Variants in DENND6B observed in about 807,000 individuals in gnomAD.
The protein encoded by DENND6B is DENN domain containing 6B, also known as protein DENND6B.
Under a neutral mutation model 85.1 loss-of-function variants are expected in DENND6B, and 73 were observed. The ratio of observed to expected loss-of-function variants is 0.86; its 90% confidence interval spans 0.71 to 1.04. The LOEUF (loss-of-function observed/expected upper bound fraction) is 1.04. Ranked by LOEUF, DENND6B falls within the 50% of genes least tolerant of loss-of-function variation. The pLI is 0.00. For synonymous variants in DENND6B, 357 were observed against 329.3 expected (o/e 1.08, Z -0.91); for missense variants, 715 against 785.8 (o/e 0.91, Z 1.08).
At chr22:50,313,233 T>C (rs927454415) in intron 16 of DENND6B, 125 bp from the exon 17 acceptor site, 50 of 1,161,590 alleles carry the variant, frequency 4.3e-5, no homozygotes, top group Non-Finnish European at 5.6e-5. Context: ...CTGGCACAGA[T>C]CCCAGGACAG....
In DENND6B at chr22:50,312,127, C is replaced by G; in HGVS notation, c.*12G>C. 1 of 1,611,716 alleles carries G rather than the reference C, an allele frequency of 6.2e-7. No individual in the cohort carries two copies. Among genetic ancestry groups the G allele is most frequent in the Non-Finnish European group, 8.5e-7 (1 of 1,179,464 alleles). ...GACCTAGGGCCCTGGGACCGTGGCC[C>G]TTGGCTTTGTTCTAGGGAGGGCACA... On this transcript the variant is annotated 3_prime_UTR_variant, in exon 20 of 20. Coordinates refer to ENST00000413817, the MANE Select transcript of DENND6B (RefSeq NM_001001794.4).
In DENND6B at chr22:50,312,359, T is replaced by C. The variant is rs200756083; in HGVS notation, c.1619A>G (p.Lys540Arg). 7 of 1,611,790 alleles carry C rather than the reference T, an allele frequency of 4.3e-6. No homozygotes were observed. The East Asian group carries it at 1.6e-4, about 36-fold the overall frequency. ...GCATCTTACCAGCTTCTCACGAAGT[T>C]TCAGGACCAGGTCCACGACCTCCAC... is the stretch of plus-strand genomic sequence containing the variant. The part of the protein sequence containing the change: ...SEVEVVDLVL[K>R]LREKLVRAQG... The change falls in exon 19 of 20, where the codon AAA (lysine) becomes AGA (arginine). Residue 540 changes from lysine to arginine, a missense_variant. Lys to Arg is a conservative substitution (Grantham distance 26). Coordinates refer to ENST00000413817, the MANE Select transcript of DENND6B (RefSeq NM_001001794.4).
rs561667726 is a variant in DENND6B at position 50,318,754 on chromosome 22, GGGCAGCCGA to G, written c.259+84_259+92del. 160 of 1,546,074 alleles carry G rather than the reference GGGCAGCCGA, an allele frequency of 1.0e-4. 3 individuals are homozygous for G. The South Asian group carries it at 1.3e-3, about 12-fold the overall frequency. The stretch of plus-strand genomic sequence containing the variant: ...CACCCCTGTGGCACTCTGGGCACCG[GGGCAGCCGA>G]GGCAGCCATGATGCCCCTGGCCCAG... On this transcript the variant is annotated intron_variant, in intron 3 of 19. Transcript: ENST00000413817.
exon 1 of DENND6B, chr22:50,326,992 GGCGGCCGCGGGTTGCCGGGGAAAC>G: frequency 8.4e-7 from 1 of 1,188,630 alleles, no homozygotes; most frequent in Non-Finnish European, 1.0e-6. Context: ...CGTCCATGGC[GGCGGCCGCGGGTTGCCGGGGAAAC>G]GCGGGCGGGG....
chr22:50,320,945 C>T lies in DENND6B; in HGVS notation c.178-1942G>A, dbSNP rs562009027. 8.5e-5 allele frequency among the ~76,000 whole-genome samples: 13 copies of T among 152,300 alleles called. No homozygotes were observed. In the East Asian group the frequency reaches 2.3e-3, roughly 27 times the overall value. On this transcript the variant is annotated intron_variant, in intron 1 of 19. Coordinates refer to ENST00000413817, the MANE Select transcript of DENND6B (RefSeq NM_001001794.4). Reference sequence around the variant, plus strand: ...CCCAGGTACAGCCTGAAGTTGAGTACAAAGCCAGGGGTCAGGCCACCCAGG... The same window carrying T: ...CCCAGGTACAGCCTGAAGTTGAGTATAAAGCCAGGGGTCAGGCCACCCAGG...
chr22:50,315,807 G>A, intron 8 of DENND6B, 38 bp from the exon 9 acceptor site: 1 of 1,492,598 alleles, frequency 6.7e-7, no homozygotes, highest in East Asian at 2.4e-5. Context: ...CCAAGGGGAG[G>A]CTGGCACCCC....
intron 9 of DENND6B, 133 bp from the exon 10 acceptor site, chr22:50,315,054 G>A (rs1465392971): frequency 2.4e-6 from 3 of 1,267,408 alleles, no homozygotes; most frequent in Non-Finnish European, 3.3e-6. Flanking sequence ...GGTGAAGACA[G>A]ATCTATCTGA....
intron 1 of DENND6B, among the ~76,000 whole-genome samples, chr22:50,324,142 C>T (rs1045666328): frequency 6.6e-6 from 1 of 152,084 alleles, no homozygotes; most frequent in African/African-American, 2.4e-5. Flanking sequence ...AAGCCAGATC[C>T]CTTGTCACCC....
chr22:50,326,805 C>G lies in DENND6B; in HGVS notation c.177+7G>C, dbSNP rs905159862. 67 of 1,393,768 alleles carry G rather than the reference C, an allele frequency of 4.8e-5. No individual in the cohort carries two copies. In the Middle Eastern group the frequency reaches 7.8e-4, roughly 16 times the overall value. 86.3% of individuals were successfully genotyped at this position (1,393,768 alleles called of 1,614,324 possible). A position where few individuals can be genotyped will look rare whatever the true frequency, so the allele number is the denominator to read the frequency against. ...ACCCGCCCGCGCCCGCGCTCGCGCC[C>G]GCTCACCTCCAGCGCCTGGCCCAGC... On this transcript the variant is annotated splice_region_variant and intron_variant, in intron 1 of 19. Transcript: ENST00000413817.
In DENND6B at chr22:50,312,980, G is replaced by A; in HGVS notation, c.1457+19C>T. The A allele has an allele frequency of 6.5e-7, 1 of 1,546,584 alleles. No individual in the cohort carries two copies. Among genetic ancestry groups the A allele is most frequent in the Non-Finnish European group, 8.7e-7 (1 of 1,144,344 alleles). On this transcript the variant is annotated intron_variant, in intron 17 of 19. Transcript: ENST00000413817. ...GGACCAAGGAGGGCTCAAGCTGCCT[G>A]CACCTGCAGTCCACGCACCTGTAGA...
intron 16 of DENND6B, 65 bp from the exon 17 acceptor site, chr22:50,313,173 TC>T: frequency 6.9e-7 from 1 of 1,440,046 alleles, no homozygotes; most frequent in Non-Finnish European, 9.5e-7. Flanking sequence ...CCGGTACGCT[TC>T]CCAGACACAC....
At chr22:50,319,321 G>A (rs1034869496) in intron 1 of DENND6B, 51 of 985,142 alleles carry the variant, frequency 5.2e-5, no homozygotes, top group African/African-American at 2.4e-4. Flanking sequence ...CTCCCCTGCC[G>A]GCCAGAGGCT....
At position 50,311,138 on chromosome 22, in the gene DENND6B, A is replaced by C. The variant is rs1274242568; in HGVS notation, c.*1001T>G. ...TCAGGGGACCTGCTCCCGGGCACAC[A>C]GTGCGTGATGCTGAGCAGGGCTTGG... On this transcript the variant is annotated 3_prime_UTR_variant, in exon 20 of 20. Transcript: ENST00000413817. 6.6e-6 allele frequency: 1 copy of C among 152,138 alleles called. No individual in the cohort carries two copies. The highest frequency in any genetic ancestry group is 2.4e-5 in the African/African-American group (1 of 41,410). The allele number at this position is 152,138 out of a possible 1,614,324, so 9.4% of individuals were successfully genotyped here. A position where few individuals can be genotyped will look rare whatever the true frequency, so the allele number is the denominator to read the frequency against.
chr22:50,320,285 C>T (rs2042003194), intron 1 of DENND6B, among the ~76,000 whole-genome samples: 1 of 152,256 alleles, frequency 6.6e-6, no homozygotes, highest in Non-Finnish European at 1.5e-5. Context: ...ATGGCACAAT[C>T]ACAGCTCACT....
chr22:50,315,685 A>G, intron 9 of DENND6B, 29 bp downstream of exon 9: 2 of 1,560,474 alleles, frequency 1.3e-6, no homozygotes. Context: ...GCTCCTCAAA[A>G]GCAGTGTGCA....
intron 9 of DENND6B, 143 bp downstream of exon 9, chr22:50,315,571 T>G: frequency 1.0e-6 from 1 of 994,562 alleles, no homozygotes; most frequent in Non-Finnish European, 1.4e-6. Context: ...GCGCTGGCCA[T>G]ACACACACAC....
At chr22:50,314,109 AG>A (rs2041695871) in intron 13 of DENND6B, 97 bp downstream of exon 13, 6 of 1,397,614 alleles carry the variant, frequency 4.3e-6, no homozygotes, top group Non-Finnish European at 5.7e-6. Context: ...GAAGAGGATC[AG>A]GGGTCTGGGG....
rs1305272387 is a variant in DENND6B at position 50,314,435 on chromosome 22, G to A, written c.1037C>T (p.Pro346Leu). 4.5e-6 allele frequency: 7 copies of A among 1,565,430 alleles called. No individual in the cohort carries two copies. The South Asian group carries it at 4.7e-5, about 10-fold the overall frequency. Residue 346 changes from proline to leucine, a missense_variant, in exon 12 of 20, where the codon CCC (proline) becomes CTC (leucine). Pro to Leu is a moderately conservative substitution (Grantham distance 98). Transcript: ENST00000413817. ...GGGCTCCCCGACTCGGAGGATGTGG[G>A]GCCAGTGCTGGAGTGTTTTGATAAA... The part of the protein sequence containing the change: ...PFFIKTLQHW[P>L]HILRVGEPKM...
chr22:50,317,226 C>G, intron 5 of DENND6B, 67 bp downstream of exon 5: 2 of 1,576,318 alleles, frequency 1.3e-6, no homozygotes, highest in Non-Finnish European at 1.7e-6. Flanking sequence ...CCGCCCACAG[C>G]CCCTCCTGCT....
Sources: allele counts gnomAD v4.1 joint callset (sites outside exome capture counted in the v4.1 genomes callset), GRCh38; gene constraint gnomAD v4.1.1; transcripts MANE v1.5; gene names NCBI Gene and HGNC (gene_info 2026-07-23, HGNC 2026-07-21).